DENND1A: variants seen among roughly 807,000 people sequenced by gnomAD.
DENND1A encodes DENN domain-containing protein 1A.
DENND1A carries 51 observed loss-of-function variants against 113.7 expected under a neutral mutation model. The observed-to-expected ratio is 0.45, with a 90% confidence interval of 0.36 to 0.57. The LOEUF (loss-of-function observed/expected upper bound fraction) is 0.57, where lower values mean the gene tolerates loss of function less well. Among genes scored for constraint, DENND1A ranks in the 20% least tolerant of loss-of-function variants. DENND1A has a pLI of 0.00. For synonymous variants in DENND1A, 565 were observed against 570.8 expected (o/e 0.99, Z 0.14); for missense variants, 1,258 against 1,395.9 (o/e 0.90, Z 1.57).
chr9:123,539,797 G>A (rs1352587919), intron 13 of DENND1A, among the ~76,000 whole-genome samples: 4 of 151,598 alleles, frequency 2.6e-5, no homozygotes, highest in Admixed American at 6.6e-5. Context: ...GCAGGAGAAC[G>A]GCGTGAACCC....
At position 123,883,565 on chromosome 9, in the gene DENND1A, G is replaced by A. The variant is rs191709977; in HGVS notation, c.18-4544C>T. 2.6e-3 allele frequency among the ~76,000 whole-genome samples: 390 copies of A among 152,248 alleles called. 1 individual carries two copies. Among genetic ancestry groups the A allele is most frequent in the Non-Finnish European group, 4.6e-3 (311 of 68,022 alleles). On this transcript the variant is annotated intron_variant, in intron 1 of 23. Coordinates refer to ENST00000394215, the MANE Select transcript of DENND1A (RefSeq NM_001352964.2). The stretch of plus-strand genomic sequence containing the variant: ...AAGTCATCCTGATGCTGCTGGACCC[G>A]TGACCATACTTTAAGAACTACCAGT...
chr9:123,794,950 C>T (rs912378421), intron 2 of DENND1A, among the ~76,000 whole-genome samples: 1 of 152,098 alleles, frequency 6.6e-6, no homozygotes, highest in Non-Finnish European at 1.5e-5. Flanking sequence ...AATATAAACG[C>T]CATCAATTAG....
At chr9:123,674,340 T>A (rs1033011415) in intron 6 of DENND1A, among the ~76,000 whole-genome samples, 46 of 127,802 alleles carry the variant, frequency 3.6e-4, no homozygotes, top group African/African-American at 1.1e-3. Flanking sequence ...TCTGTCTCTC[T>A]CTCACACACA....
At chr9:123,683,665 T>C (rs992164825) in intron 5 of DENND1A, among the ~76,000 whole-genome samples, 3 of 152,232 alleles carry the variant, frequency 2.0e-5, no homozygotes, top group African/African-American at 7.2e-5. Flanking sequence ...CTGGGCTTAC[T>C]AGACATTAAA....
chr9:123,607,311 G>A (rs1245960462), intron 11 of DENND1A, among the ~76,000 whole-genome samples: 2 of 151,444 alleles, frequency 1.3e-5, no homozygotes, highest in Admixed American at 6.6e-5. Context: ...AGAACAGGGC[G>A]AGAGACGTTT....
chr9:123,646,372 G>C (rs563497846), intron 9 of DENND1A, among the ~76,000 whole-genome samples: 6 of 152,116 alleles, frequency 3.9e-5, no homozygotes, highest in Admixed American at 6.5e-5. Flanking sequence ...TTCTGAAAGG[G>C]AGACTAGAAA....
chr9:123,911,049 T>C (rs772175492), intron 1 of DENND1A, among the ~76,000 whole-genome samples: 4 of 152,128 alleles, frequency 2.6e-5, no homozygotes. Context: ...CATTCAATAA[T>C]ATAAAGAATG....
chr9:123,755,356 C>T (rs2070443229), intron 5 of DENND1A, among the ~76,000 whole-genome samples: 1 of 151,270 alleles, frequency 6.6e-6, no homozygotes, highest in African/African-American at 2.4e-5. Context: ...GTGGGCCAGG[C>T]TGTTCTTGAA....
chr9:123,854,433 C>T (rs1156643312), intron 2 of DENND1A, among the ~76,000 whole-genome samples: 5 of 152,186 alleles, frequency 3.3e-5, no homozygotes, highest in Admixed American at 3.3e-4. Context: ...CGGTGGTTCA[C>T]ACCTGTAATC....
chr9:123,458,322 C>T (rs1192081020), intron 13 of DENND1A, among the ~76,000 whole-genome samples: 1 of 152,076 alleles, frequency 6.6e-6, no homozygotes, highest in Non-Finnish European at 1.5e-5. Context: ...ACTTTTCTAA[C>T]CCTCTGATAG....
At chr9:123,686,725 T>A (rs1386950665) in intron 5 of DENND1A, among the ~76,000 whole-genome samples, 1 of 152,358 alleles carries the variant, frequency 6.6e-6, no homozygotes, top group Admixed American at 6.5e-5. Flanking sequence ...ATACCCTAAA[T>A]GCATATTTTT....
intron 3 of DENND1A, among the ~76,000 whole-genome samples, chr9:123,781,792 G>A (rs1197867828): frequency 1.3e-5 from 2 of 152,094 alleles, no homozygotes; most frequent in Admixed American, 1.3e-4. Flanking sequence ...AAAAAAGGCC[G>A]AGCACGGTGA....
At chr9:123,458,750 T>C (rs1298791329) in intron 13 of DENND1A, among the ~76,000 whole-genome samples, 1 of 152,136 alleles carries the variant, frequency 6.6e-6, no homozygotes, top group Non-Finnish European at 1.5e-5. Context: ...TCACCTGAGG[T>C]TGGGAGTATA....
intron 5 of DENND1A, among the ~76,000 whole-genome samples, chr9:123,735,683 AAC>A (rs2068510414): frequency 6.6e-6 from 1 of 152,200 alleles, no homozygotes; most frequent in Non-Finnish European, 1.5e-5. Context: ...TTCCCAAAAC[AAC>A]AGTCACCTTT....
At chr9:123,756,080 T>G (rs2070515740) in intron 5 of DENND1A, among the ~76,000 whole-genome samples, 1 of 152,144 alleles carries the variant, frequency 6.6e-6, no homozygotes, top group Non-Finnish European at 1.5e-5. Flanking sequence ...CCAGCTAATT[T>G]TTGTATTTTT....
intron 1 of DENND1A, among the ~76,000 whole-genome samples, chr9:123,898,381 G>C (rs2133854139): frequency 6.6e-6 from 1 of 152,132 alleles, no homozygotes; most frequent in South Asian, 2.1e-4. Flanking sequence ...CCAGACTGGA[G>C]TGCAATGACA....
chr9:123,516,919 A>AAAG (rs2053975997), intron 13 of DENND1A, among the ~76,000 whole-genome samples: 2 of 133,700 alleles, frequency 1.5e-5, no homozygotes, highest in African/African-American at 5.5e-5. Context: ...AAAAAAAAAA[A>AAAG]GAACGGACAA....
intron 5 of DENND1A, among the ~76,000 whole-genome samples, chr9:123,687,749 T>C (rs771873283): frequency 1.3e-5 from 2 of 152,348 alleles, no homozygotes; most frequent in East Asian, 3.9e-4. Flanking sequence ...AGCAAGAATT[T>C]GTGCAAGGCA....
At chr9:123,846,255 G>T (rs772261784) in intron 2 of DENND1A, among the ~76,000 whole-genome samples, 1 of 152,154 alleles carries the variant, frequency 6.6e-6, no homozygotes, top group African/African-American at 2.4e-5. Context: ...TATATAAAAT[G>T]GTGCAGCTGT....
Sources: allele counts gnomAD v4.1 joint callset (sites outside exome capture counted in the v4.1 genomes callset), GRCh38; gene constraint gnomAD v4.1.1; transcripts MANE v1.5; gene names NCBI Gene and HGNC (gene_info 2026-07-23, HGNC 2026-07-21).